PROSER1: variants seen among roughly 807,000 people sequenced by gnomAD.
PROSER1 encodes proline and serine-rich protein 1.
In PROSER1, 36 loss-of-function variants were observed where a neutral mutation model predicts 71.8. The ratio of observed to expected loss-of-function variants is 0.50; its 90% CI spans 0.38 to 0.66. The LOEUF (loss-of-function observed/expected upper bound fraction) is 0.66, where lower values mean the gene tolerates loss of function less well. Among genes scored for constraint, PROSER1 ranks in the 30% least tolerant of loss-of-function variants. The pLI, the probability that PROSER1 is intolerant of heterozygous loss-of-function variation, is 0.00. For missense variants in PROSER1, 1,107 were observed against 1,135.0 expected (o/e 0.98, Z 0.35); for synonymous variants, 490 against 452.4 (o/e 1.08, Z -1.06).
chr13:39,012,188 G>C lies in PROSER1; in HGVS notation c.2607C>G (p.Gly869=). 6.2e-7 allele frequency: 1 copy of C among 1,614,080 alleles called. No homozygotes were observed. The highest frequency in any genetic ancestry group is 8.5e-7 in the Non-Finnish European group (1 of 1,179,962). ...LQAAGSSVFP[G]LLSLPGIPGF... is the part of the protein sequence containing the mutation. ...CAGGGATACCCGGGAGGGACAAAAG[G>C]CCTGGAAAAACAGAACTGCCTGCAG... The change falls in exon 12 of 13, where the codon GGC becomes GGG. Residue 869 remains glycine (G), a synonymous_variant. Transcript: ENST00000352251.
At position 39,029,563 on chromosome 13, in the gene PROSER1, C is replaced by T. The variant is rs570957363; in HGVS notation, c.181-188G>A. Among the ~76,000 whole-genome samples the T allele has an allele frequency of 2.1e-4, 32 of 152,160 alleles. No individual in the cohort carries two copies. The South Asian group carries it at 6.4e-3, about 31-fold the overall frequency. On this transcript the variant is annotated intron_variant, in intron 3 of 12. Coordinates refer to ENST00000352251, the MANE Select transcript of PROSER1 (RefSeq NM_025138.5). ...ATGAATTATGCTCTATCAACGTAACCATTTCAGTTGAAGATCTAATGAAGA... is the reference window on the plus strand; with the variant it reads ...ATGAATTATGCTCTATCAACGTAACTATTTCAGTTGAAGATCTAATGAAGA...
intron 4 of PROSER1, 114 bp from the exon 5 acceptor site, chr13:39,028,434 G>A (rs1321521080): frequency 1.4e-5 from 7 of 507,682 alleles, no homozygotes; most frequent in Non-Finnish European, 2.1e-5. Flanking sequence ...GACATAGGGA[G>A]AAAAGTGTGA....
intron 10 of PROSER1, among the ~76,000 whole-genome samples, chr13:39,015,628 T>C (rs1230246997): frequency 1.3e-5 from 2 of 152,104 alleles, no homozygotes; most frequent in Non-Finnish European, 2.9e-5. Context: ...CATACATAAT[T>C]CATTTGCACT....
Position 39,012,899 on chromosome 13 carries a change from T to A in PROSER1, c.2353A>T (p.Asn785Tyr), listed in dbSNP as rs771669084. ...SVTQGPLSSS[N>Y]PSYPGFSVSN... ...ACAGAAAAGCCTGGATAGGAGGGAT[T>A]TGAAGATGACAGAGGTCCTTGAGTA... Residue 785 changes from asparagine (N) to tyrosine (Y), a missense_variant, in exon 11 of 13, where the codon AAT (asparagine) becomes TAT (tyrosine). Transcript: ENST00000352251. 1.2e-6 allele frequency: 2 copies of A among 1,614,046 alleles called. No homozygotes were observed. Among genetic ancestry groups the A allele is most frequent in the Admixed American group, 1.7e-5 (1 of 60,016 alleles).
Position 39,022,386 on chromosome 13 carries a change from G to GT in PROSER1, c.669dup (p.Pro224ThrfsTer16). 6.2e-7 allele frequency: 1 copy of GT among 1,612,522 alleles called. No individual in the cohort carries two copies. Among genetic ancestry groups the GT allele is most frequent in the Non-Finnish European group, 8.5e-7 (1 of 1,178,598 alleles). On this transcript the variant is annotated frameshift_variant, in exon 9 of 13. Transcript: ENST00000352251. LOFTEE classifies it high-confidence loss of function. Reference sequence around the variant, plus strand: ...GGTGGAGCTATGACATTCGCTAATGGTACCAGACCTGCATTGTTATAAGCA... The same window carrying GT: ...GGTGGAGCTATGACATTCGCTAATGGTTACCAGACCTGCATTGTTATAAGCA...
intron 8 of PROSER1, 178 bp from the exon 9 acceptor site, chr13:39,022,590 A>G: frequency 1.9e-6 from 1 of 526,300 alleles, no homozygotes; most frequent in Non-Finnish European, 3.4e-6. Context: ...GAAAACTGAC[A>G]CCAAATGAAA....
intron 4 of PROSER1, among the ~76,000 whole-genome samples, chr13:39,028,522 AAAGT>A (rs1364567867): frequency 6.6e-6 from 1 of 150,892 alleles, no homozygotes; most frequent in East Asian, 1.9e-4. Flanking sequence ...TGATTACTGA[AAAGT>A]AAAACAGTAA....
At chr13:39,016,021 A>C (rs1310207275) in intron 10 of PROSER1, among the ~76,000 whole-genome samples, 2 of 152,236 alleles carry the variant, frequency 1.3e-5, no homozygotes, top group East Asian at 3.8e-4. Flanking sequence ...AAGACCATGT[A>C]GCTAATGACA....
chr13:39,024,077 C>T (rs1870426640), intron 7 of PROSER1: 1 of 174,766 alleles, frequency 5.7e-6, no homozygotes, highest in African/African-American at 2.4e-5. Flanking sequence ...CTTCTCCTGT[C>T]CTGTTTACAT....
intron 9 of PROSER1, 107 bp downstream of exon 9, chr13:39,022,219 G>A (rs1038374666): frequency 1.3e-6 from 1 of 772,714 alleles, no homozygotes; most frequent in Non-Finnish European, 2.3e-6. Flanking sequence ...TCAGACTCTT[G>A]AGCTTGTGTT....
At chr13:39,026,524 T>TA (rs1216241599) in intron 5 of PROSER1, 137 bp from the exon 6 acceptor site, 5 of 522,704 alleles carry the variant, frequency 9.6e-6, no homozygotes, top group Non-Finnish European at 1.7e-5. Flanking sequence ...ATTCAGCACT[T>TA]ACAGTGGTGA....
chr13:39,013,591 GT>G lies in PROSER1; in HGVS notation c.1660del (p.Thr554HisfsTer8). On this transcript the variant is annotated frameshift_variant, in exon 11 of 13. Transcript: ENST00000352251. LOFTEE classifies it high-confidence loss of function. ...GGCTAAAGGAGACTGTACAGGCAAT[GT>G]CAGGGGAGTGGAAGTTGAGTTAGCC... The part of the protein sequence containing the change: ...PVANSTSTPL[T>X]LPVQSPLATA... 1 of 1,614,184 alleles carries G rather than the reference GT, an allele frequency of 6.2e-7. No homozygotes were observed. The highest frequency in any genetic ancestry group is 1.3e-5 in the African/African-American group (1 of 75,056).
chr13:39,032,686 A>C (rs1361456039), intron 2 of PROSER1, among the ~76,000 whole-genome samples: 1 of 152,158 alleles, frequency 6.6e-6, no homozygotes, highest in African/African-American at 2.4e-5. Context: ...GATGGGAATA[A>C]TGTTCTTAAT....
chr13:39,021,324 C>A (rs976202525), intron 9 of PROSER1, among the ~76,000 whole-genome samples: 1 of 152,130 alleles, frequency 6.6e-6, no homozygotes, highest in Non-Finnish European at 1.5e-5. Flanking sequence ...TTTGCTGAGT[C>A]AGAAAGGTGC....
chr13:39,012,470 TAAATA>T (rs1438794047), intron 11 of PROSER1: 6 of 638,648 alleles, frequency 9.4e-6, no homozygotes, highest in Middle Eastern at 8.5e-4. Flanking sequence ...TGCTGTCTTA[TAAATA>T]AAACTATCAA....
At chr13:39,034,037 G>A in intron 2 of PROSER1, 94 bp downstream of exon 2, 1 of 870,812 alleles carries the variant, frequency 1.1e-6, no homozygotes, top group Non-Finnish European at 1.7e-6. Context: ...ACAGCAAAAA[G>A]GTAAAACCAA....
chr13:39,016,537 A>G (rs1392635044), intron 10 of PROSER1, among the ~76,000 whole-genome samples: 1 of 152,234 alleles, frequency 6.6e-6, no homozygotes, highest in Non-Finnish European at 1.5e-5. Flanking sequence ...ATAGGAAAAC[A>G]ATATGCTATT....
intron 7 of PROSER1, chr13:39,023,663 G>T (rs1454323808): frequency 6.6e-6 from 1 of 152,660 alleles, no homozygotes; most frequent in Non-Finnish European, 1.5e-5. Flanking sequence ...CAGGAATTCA[G>T]TATGTTAGTT....
rs574031000 is a variant in PROSER1 at position 39,034,040 on chromosome 13, A to T, written c.111+91T>A. ...TCTTGAATAAATACAGCAAAAAGGT[A>T]AAACCAATTCTGAATTCGGCCAGCA... On this transcript the variant is annotated intron_variant, in intron 2 of 12. Transcript: ENST00000352251. 3.3e-6 allele frequency: 3 copies of T among 905,360 alleles called. No individual in the cohort carries two copies. The South Asian group carries it at 6.2e-5, about 19-fold the overall frequency. The allele number at this position is 905,360 out of a possible 1,614,324, so 56.1% of individuals were successfully genotyped here. A position where few individuals can be genotyped will look rare whatever the true frequency, so the allele number is the denominator to read the frequency against.
Sources: gnomAD v4.1 joint callset for allele counts (sites outside exome capture counted in the v4.1 genomes callset) on GRCh38, gnomAD v4.1.1 for gene constraint, MANE v1.5 for transcripts, NCBI Gene and HGNC (gene_info 2026-07-23, HGNC 2026-07-21) for gene names.